The following HORMAD2 variants were observed in gnomAD, a reference collection of about 807,000 sequenced individuals.
HORMAD2 encodes the protein HORMA domain containing 2, also known as HORMA domain-containing protein 2.
Under a neutral mutation model 38.8 loss-of-function variants are expected in HORMAD2, and 45 were observed. The ratio of observed to expected loss-of-function variants is 1.16; its 90% CI spans 0.91 to 1.49. The LOEUF (loss-of-function observed/expected upper bound fraction) is 1.49, where lower values mean the gene tolerates loss of function less well. Ranked by LOEUF, HORMAD2 falls within the 40% of genes most tolerant of loss-of-function variation. HORMAD2 has a pLI of 0.00. For synonymous variants in HORMAD2, 126 were observed against 122.8 expected (o/e 1.03, Z -0.17); for missense variants, 338 against 367.0 (o/e 0.92, Z 0.65).
intron 10 of HORMAD2, among the ~76,000 whole-genome samples, chr22:30,124,759 C>T (rs143263226): frequency 2.6e-3 from 402 of 152,270 alleles, no homozygotes; most frequent in African/African-American, 9.0e-3. Flanking sequence ...GTACATACCT[C>T]CTGGTACACC....
chr22:30,080,548 G>C (rs1444072392), intron 1 of HORMAD2, 57 bp downstream of exon 1: 1 of 152,314 alleles, frequency 6.6e-6, no homozygotes, highest in African/African-American at 2.4e-5. Flanking sequence ...GGCGTTGTTA[G>C]TTCTGTCTTT....
chr22:30,108,209 G>A (rs561479488), intron 5 of HORMAD2, among the ~76,000 whole-genome samples: 6 of 151,986 alleles, frequency 3.9e-5, no homozygotes, highest in East Asian at 3.9e-4. Flanking sequence ...TTCCTTATTC[G>A]CATTCTCAAT....
intron 3 of HORMAD2, among the ~76,000 whole-genome samples, chr22:30,099,455 T>G (rs778078483): frequency 3.3e-5 from 5 of 152,194 alleles, no homozygotes; most frequent in African/African-American, 9.6e-5. Context: ...AAAATAATTA[T>G]TATTCTAATC....
intron 7 of HORMAD2, among the ~76,000 whole-genome samples, chr22:30,114,900 T>G (rs1921930355): frequency 6.6e-6 from 1 of 152,190 alleles, no homozygotes; most frequent in African/African-American, 2.4e-5. Flanking sequence ...AACTAAGTAC[T>G]AAAGTAGTGA....
At chr22:30,195,756 C>G in the HORMAD2 span, among the ~76,000 whole-genome samples, 1 of 152,116 alleles carries the variant, frequency 6.6e-6, no homozygotes, top group Non-Finnish European at 1.5e-5. Flanking sequence ...AATGGTAGGC[C>G]CAGAAACAAC....
Position 30,119,000 on chromosome 22 carries a change from GTTCAAA to G in HORMAD2, c.371_376del (p.Phe124_Lys125del). On this transcript the variant is annotated inframe_deletion, in exon 8 of 11. Coordinates refer to ENST00000336726, the MANE Select transcript of HORMAD2 (RefSeq NM_152510.4). The stretch of plus-strand genomic sequence containing the variant: ...TGTAGAAGGTGACTGAGATGTACCA[GTTCAAA>G]TTCAAATACACGAAAGAAGGAGCCA... 6.3e-7 allele frequency: 1 copy of G among 1,589,324 alleles called. No individual in the cohort carries two copies. Among genetic ancestry groups the G allele is most frequent in the East Asian group, 2.3e-5 (1 of 44,348 alleles).
In HORMAD2 at chr22:30,098,853, A is replaced by T. The variant is rs371346180; in HGVS notation, c.53A>T (p.Glu18Val). The T allele has an allele frequency of 5.0e-6, 8 of 1,607,780 alleles. No homozygotes were observed. Among genetic ancestry groups the T allele is most frequent in the Non-Finnish European group, 6.8e-6 (8 of 1,177,658 alleles). Residue 18 changes from glutamate to valine, a missense_variant and splice_region_variant, in exon 3 of 11, where the codon GAA (glutamate) becomes GTA (valine). By Grantham distance (121) the Glu-to-Val change is moderately radical. Transcript: ENST00000336726. ...TTTTCACCTCCGTTGTTTTTCCAGG[A>T]AACAGTTTTCCCATCCCAAATCACT... ...HCITIHKASK[E>V]TVFPSQITNE...
At chr22:30,082,167 G>A (rs541805828) in intron 1 of HORMAD2, among the ~76,000 whole-genome samples, 2 of 152,052 alleles carry the variant, frequency 1.3e-5, no homozygotes, top group Non-Finnish European at 2.9e-5. Context: ...TTTGAGTAAA[G>A]CCATTCTTAA....
intron 4 of HORMAD2, among the ~76,000 whole-genome samples, 170 bp from the exon 5 acceptor site, chr22:30,104,231 A>G (rs1921019384): frequency 6.6e-6 from 1 of 152,234 alleles, no homozygotes; most frequent in African/African-American, 2.4e-5. Flanking sequence ...ATAAAGGTCT[A>G]TCATCATATT....
At position 30,112,522 on chromosome 22, in the gene HORMAD2, G is replaced by C. The variant is rs1185200927; in HGVS notation, c.342G>C (p.Glu114Asp). 1.5e-6 allele frequency: 2 copies of C among 1,365,366 alleles called. No individual in the cohort carries two copies. The highest frequency in any genetic ancestry group is 2.0e-6 in the Non-Finnish European group (2 of 1,024,148). The allele number at this position is 1,365,366 out of a possible 1,614,324, so 84.6% of individuals were successfully genotyped here. Residue 114 changes from glutamate to aspartate, a missense_variant and splice_region_variant, in exon 7 of 11, where the codon GAG (glutamate) becomes GAC (aspartate). Transcript: ENST00000336726. ...LTLYTDPMGS[E>D]KVTEMYQFKF... ...TTTACACAGATCCCATGGGATCTGA[G>C]GTAAGAACACACACAAACGTATAGG... is the stretch of plus-strand genomic sequence containing the variant.
intron 1 of HORMAD2, among the ~76,000 whole-genome samples, chr22:30,088,009 A>G (rs2146059353): frequency 6.6e-6 from 1 of 151,872 alleles, no homozygotes; most frequent in East Asian, 1.9e-4. Context: ...ACACACATAC[A>G]TATATACATA....
At chr22:30,169,628 A>G (rs1208018306) in intron 10 of HORMAD2, among the ~76,000 whole-genome samples, 1 of 152,192 alleles carries the variant, frequency 6.6e-6, no homozygotes, top group Admixed American at 6.5e-5. Flanking sequence ...TGCGCTCTTG[A>G]TGTGATTTCC....
intron 5 of HORMAD2, among the ~76,000 whole-genome samples, chr22:30,109,506 G>A (rs1569090798): frequency 6.6e-6 from 1 of 151,362 alleles, no homozygotes; most frequent in African/African-American, 2.4e-5. Context: ...TTGTAGAGAT[G>A]GCATCTTACC....
At chr22:30,172,644 T>A (rs1926180303) in intron 10 of HORMAD2, among the ~76,000 whole-genome samples, 1 of 152,148 alleles carries the variant, frequency 6.6e-6, no homozygotes, top group South Asian at 2.1e-4. Flanking sequence ...TCCCAGCACT[T>A]TGGGAGGCCA....
chr22:30,111,773 G>GTT, intron 5 of HORMAD2, 23 bp from the exon 6 acceptor site: 9 of 1,483,050 alleles, frequency 6.1e-6, no homozygotes, highest in Admixed American at 4.1e-5. Flanking sequence ...AATAATAATA[G>GTT]TTTTTTTTTC....
At chr22:30,206,160 A>T in the HORMAD2 span, among the ~76,000 whole-genome samples, 280 of 151,332 alleles carry the variant, frequency 1.9e-3, no homozygotes, top group Middle Eastern at 0.027. Context: ...AGACCCAGAG[A>T]GTTTTTTGTT....
At chr22:30,184,664 C>T in the HORMAD2 span, 1 of 152,042 alleles carries the variant, frequency 6.6e-6, no homozygotes, top group Non-Finnish European at 1.5e-5. Flanking sequence ...GGTGGTAGAA[C>T]GATCTATTCT....
intron 10 of HORMAD2, among the ~76,000 whole-genome samples, chr22:30,148,253 A>T (rs1427741851): frequency 6.6e-6 from 1 of 152,222 alleles, no homozygotes; most frequent in African/African-American, 2.4e-5. Context: ...AAAGAAAGGG[A>T]AAGAAAAAGA....
intron 10 of HORMAD2, among the ~76,000 whole-genome samples, chr22:30,158,840 G>T (rs967105352): frequency 5.9e-5 from 9 of 151,402 alleles, no homozygotes; most frequent in Non-Finnish European, 1.2e-4. Context: ...GCACGCCACC[G>T]CTCTTGGCTG....
Sources: allele counts gnomAD v4.1 joint callset (sites outside exome capture counted in the v4.1 genomes callset), GRCh38; gene constraint gnomAD v4.1.1; transcripts MANE v1.5; gene names NCBI Gene and HGNC (gene_info 2026-07-23, HGNC 2026-07-21).